BMP8B: variants seen among roughly 807,000 people sequenced by gnomAD.
BMP8B encodes bone morphogenetic protein 8 (osteogenic protein 2).
BMP8B carries 17 observed loss-of-function variants against 30.3 expected under a neutral mutation model. The ratio of observed to expected loss-of-function variants is 0.56; its 90% confidence interval spans 0.38 to 0.84. The LOEUF (loss-of-function observed/expected upper bound fraction) is 0.84. Among genes scored for constraint, BMP8B ranks in the 40% least tolerant of loss-of-function variants. The pLI, the probability that BMP8B is intolerant of heterozygous loss-of-function variation, is 0.00. For synonymous variants in BMP8B, 131 were observed against 214.7 expected (o/e 0.61, Z 3.41); for missense variants, 253 against 494.6 (o/e 0.51, Z 4.63).
At position 39,778,531 on chromosome 1, in the gene BMP8B, G is replaced by A. The variant is rs186625869; in HGVS notation, c.335-3493C>T. Among the ~76,000 whole-genome samples, 61 of 151,002 alleles carry A rather than the reference G, an allele frequency of 4.0e-4. No individual in the cohort carries two copies. The East Asian group carries it at 0.011, about 28-fold the overall frequency. On this transcript the variant is annotated intron_variant, in intron 1 of 6. Coordinates refer to ENST00000372827, the MANE Select transcript of BMP8B (RefSeq NM_001720.5). Reference sequence around the variant, plus strand: ...CCAGAAATCTCAGCACCGCCTCAAGGCGAGCCCAGGGCTCCATGCTGAGGT... The same window carrying A: ...CCAGAAATCTCAGCACCGCCTCAAGACGAGCCCAGGGCTCCATGCTGAGGT...
At chr1:39,782,456 T>TCAC (rs1650706749) in intron 1 of BMP8B, among the ~76,000 whole-genome samples, 1 of 73,360 alleles carries the variant, frequency 1.4e-5, no homozygotes, top group South Asian at 4.1e-4. Flanking sequence ...TGCCAGACAC[T>TCAC]TGCTTTGTTT....
At chr1:39,776,591 G>A (rs1216558975) in intron 1 of BMP8B, among the ~76,000 whole-genome samples, 2 of 152,182 alleles carry the variant, frequency 1.3e-5, no homozygotes, top group Admixed American at 6.5e-5. Flanking sequence ...GGCAGGGGAT[G>A]GGGCCAGACG....
rs1438663990 is a variant in BMP8B, at chr1:39,757,710, C to T, written c.*2709G>A. On this transcript the variant is annotated 3_prime_UTR_variant, in exon 7 of 7. Coordinates refer to ENST00000372827, the MANE Select transcript of BMP8B (RefSeq NM_001720.5). ...CGAGATAAACAGGCCATGCCCTGAGCAAAGAAAAGGGAAATGGTGGTATCT... is the reference window on the plus strand; with the variant it reads ...CGAGATAAACAGGCCATGCCCTGAGTAAAGAAAAGGGAAATGGTGGTATCT... 1 of 152,228 alleles carries T rather than the reference C, an allele frequency of 6.6e-6. No homozygotes were observed. Among genetic ancestry groups the T allele is most frequent in the African/African-American group, 2.4e-5 (1 of 41,438 alleles). 9.4% of individuals were successfully genotyped at this position (152,228 alleles called of 1,614,324 possible).
rs983879486 is a variant in BMP8B at position 39,788,585 on chromosome 1, TCGGCGGG to T, written c.-107_-101del. Reference sequence around the variant, plus strand: ...CGCCCCGACGGCAAGGAGGCTGGGCTCGGCGGGCGGCGGGCGGCGGGGCGGGGCGGGA... The same window carrying T: ...CGCCCCGACGGCAAGGAGGCTGGGCTCGGCGGGCGGCGGGGCGGGGCGGGA... On this transcript the variant is annotated 5_prime_UTR_variant, in exon 1 of 7. Coordinates refer to ENST00000372827, the MANE Select transcript of BMP8B (RefSeq NM_001720.5). This position sits in a 1 kb window ranked among gnomAD's most constrained non-coding sequence, Gnocchi z 5.8. The T allele has an allele frequency of 1.3e-5, 12 of 923,868 alleles. No individual in the cohort carries two copies. The highest frequency in any genetic ancestry group is 1.2e-4 in the East Asian group (1 of 8,544). 57.2% of individuals were successfully genotyped at this position (923,868 alleles called of 1,614,324 possible).
chr1:39,763,744 G>C lies in BMP8B; in HGVS notation c.916C>G (p.Leu306Val), dbSNP rs1649365601. Residue 306 changes from leucine to valine, a missense_variant, in exon 5 of 7, where the codon CTC becomes GTC. This residue lies in a region of BMP8B where 116 missense variants were observed against 142.3 expected (regional missense o/e 0.81). Coordinates refer to ENST00000372827, the MANE Select transcript of BMP8B (RefSeq NM_001720.5). ...CCGAGGTCCTGGAAGCTGACGTAGA[G>C]CTCGTGCCGACGGCAGACCTGCCGG... Reference protein sequence around the residue: ...HGRQVCRRHELYVSFQDLGWL... With the variant: ...HGRQVCRRHEVYVSFQDLGWL... 2 of 1,603,786 alleles carry C rather than the reference G, an allele frequency of 1.2e-6. No individual in the cohort carries two copies. The highest frequency in any genetic ancestry group is 4.5e-5 in the East Asian group (2 of 44,576).
chr1:39,786,690 G>A (rs1651003511), intron 1 of BMP8B, among the ~76,000 whole-genome samples: 1 of 151,776 alleles, frequency 6.6e-6, no homozygotes, highest in African/African-American at 2.4e-5. Flanking sequence ...TGATGACAGA[G>A]CCCCAGCCCC....
intron 1 of BMP8B, among the ~76,000 whole-genome samples, chr1:39,784,277 C>A (rs1438770610): frequency 2.0e-5 from 3 of 151,936 alleles, no homozygotes; most frequent in African/African-American, 4.8e-5. Context: ...CTCCATTTTA[C>A]AGAGGAGGAA....
Position 39,785,981 on chromosome 1 carries a change from G to A in BMP8B, c.334+2171C>T, listed in dbSNP as rs2268864. The stretch of plus-strand genomic sequence containing the variant: ...ATGATCTGCTTGTTAATCTCGCAGC[G>A]CTGGAGGCCCCAAGTCTTCATGAAA... On this transcript the variant is annotated intron_variant, in intron 1 of 6. Coordinates refer to ENST00000372827, the MANE Select transcript of BMP8B (RefSeq NM_001720.5). 2.6e-3 allele frequency among the ~76,000 whole-genome samples: 394 copies of A among 152,292 alleles called. 18 individuals carry two copies. In the East Asian group the frequency reaches 0.069, roughly 27 times the overall value.
intron 6 of BMP8B, 59 bp downstream of exon 6, chr1:39,763,033 A>G: frequency 1.0e-5 from 16 of 1,580,856 alleles, no homozygotes; most frequent in Non-Finnish European, 1.4e-5. Flanking sequence ...GCTGGACCAG[A>G]CCCCTCTCCA....
Position 39,788,768 on chromosome 1 carries a change from C to G in BMP8B, c.-283G>C, listed in dbSNP as rs183292746. ...TCTCGGCCAATCCGTCTGTCGCCGCCGTACCCGCCAGTCCGGCTGTGGCCG... is the reference window on the plus strand; with the variant it reads ...TCTCGGCCAATCCGTCTGTCGCCGCGGTACCCGCCAGTCCGGCTGTGGCCG... On this transcript the variant is annotated 5_prime_UTR_variant, in exon 1 of 7. Transcript: ENST00000372827. This position sits in a 1 kb window ranked among gnomAD's most constrained non-coding sequence, Gnocchi z 5.8. 1,238 of 159,970 alleles carry G rather than the reference C, an allele frequency of 7.7e-3. 16 individuals carry two copies. Among genetic ancestry groups the G allele is most frequent in the African/African-American group, 0.028 (1,166 of 41,652 alleles). The allele number at this position is 159,970 out of a possible 1,614,324, so 9.9% of individuals were successfully genotyped here.
At chr1:39,783,022 C>A (rs1569861374) in intron 1 of BMP8B, among the ~76,000 whole-genome samples, 2 of 152,046 alleles carry the variant, frequency 1.3e-5, no homozygotes, top group Admixed American at 1.3e-4. Flanking sequence ...GTCTTGAACT[C>A]CTGACCTCAA....
chr1:39,761,042 G>A (rs976287818), intron 6 of BMP8B, among the ~76,000 whole-genome samples: 1 of 152,002 alleles, frequency 6.6e-6, no homozygotes, highest in African/African-American at 2.4e-5. Context: ...CCTCTCCTGT[G>A]CTGCTCCTTC....
At chr1:39,769,684 G>A (rs756532437) in intron 3 of BMP8B, 39 of 1,588,096 alleles carry the variant, frequency 2.5e-5, no homozygotes, top group Non-Finnish European at 2.8e-5. Context: ...GCACCACCCC[G>A]CCCAGATCCA....
intron 6 of BMP8B, 31 bp downstream of exon 6, chr1:39,763,060 AG>A (rs1376153294): frequency 3.7e-6 from 6 of 1,604,342 alleles, no homozygotes; most frequent in Non-Finnish European, 5.1e-6. Flanking sequence ...CCCCCACCCC[AG>A]GGGGCTGGGC....
At chr1:39,763,033 A>T (rs1450194864) in intron 6 of BMP8B, 59 bp downstream of exon 6, 25 of 1,580,738 alleles carry the variant, frequency 1.6e-5, no homozygotes, top group Non-Finnish European at 2.0e-5. Context: ...GCTGGACCAG[A>T]CCCCTCTCCA....
At chr1:39,762,555 C>T in intron 6 of BMP8B, 2 of 1,550,306 alleles carry the variant, frequency 1.3e-6, no homozygotes, top group South Asian at 2.4e-5. Context: ...CCAGGGGATC[C>T]AGAAAAAACA....
At chr1:39,786,004 A>C (rs1432059771) in intron 1 of BMP8B, among the ~76,000 whole-genome samples, 2 of 152,174 alleles carry the variant, frequency 1.3e-5, no homozygotes, top group African/African-American at 2.4e-5. Flanking sequence ...AGTCTTCATG[A>C]AATGCACAAA....
chr1:39,770,488 T>TG (rs756942160), intron 3 of BMP8B: 2 of 1,610,360 alleles, frequency 1.2e-6, no homozygotes, highest in Non-Finnish European at 1.7e-6. Flanking sequence ...GGATGTCTTC[T>TG]GGGGGGAAAG....
At chr1:39,779,582 G>C (rs1650480146) in intron 1 of BMP8B, among the ~76,000 whole-genome samples, 1 of 152,232 alleles carries the variant, frequency 6.6e-6, no homozygotes, top group African/African-American at 2.4e-5. Flanking sequence ...GTCACATACA[G>C]GGCTTTGGAA....
Sources: allele counts gnomAD v4.1 joint callset (sites outside exome capture counted in the v4.1 genomes callset), GRCh38; gene constraint gnomAD v4.1.1; regional missense constraint gnomAD v4.1.1; non-coding constraint Gnocchi (gnomAD v3.1); transcripts MANE v1.5; gene names NCBI Gene and HGNC (gene_info 2026-07-23, HGNC 2026-07-21).